MCF2L2: variants seen among roughly 807,000 people sequenced by gnomAD.
The protein encoded by MCF2L2 is MCF.2 cell line derived transforming sequence-like 2, also known as probable guanine nucleotide exchange factor MCF2L2.
A neutral mutation model predicts 150.2 loss-of-function variants in MCF2L2; 102 were observed. The observed-to-expected ratio is 0.68, with a 90% CI of 0.58 to 0.80. MCF2L2 has a LOEUF of 0.80. Ranked by LOEUF, MCF2L2 falls within the 30% of genes least tolerant of loss-of-function variation. The pLI, the probability that MCF2L2 is intolerant of heterozygous loss-of-function variation, is 0.00. For missense variants in MCF2L2, 1,256 were observed against 1,372.8 expected (o/e 0.91, Z 1.34); for synonymous variants, 465 against 491.3 (o/e 0.95, Z 0.71).
intron 6 of MCF2L2, among the ~76,000 whole-genome samples, chr3:183,322,552 AAC>A (rs1729856020): frequency 6.6e-6 from 1 of 152,236 alleles, no homozygotes; most frequent in African/African-American, 2.4e-5. Context: ...GTCCCATTTT[AAC>A]AGATGAAGAA....
intron 3 of MCF2L2, among the ~76,000 whole-genome samples, chr3:183,348,178 A>T (rs1431091220): frequency 4.6e-5 from 7 of 152,054 alleles, no homozygotes; most frequent in South Asian, 2.1e-4. Context: ...TAGACTGGAT[A>T]AAAAAAATGT....
At chr3:183,240,681 G>C (rs968952755) in intron 15 of MCF2L2, among the ~76,000 whole-genome samples, 13 of 152,208 alleles carry the variant, frequency 8.5e-5, no homozygotes, top group African/African-American at 3.1e-4. Flanking sequence ...AGAATGGGGA[G>C]AGGTGGGTGG....
intron 6 of MCF2L2, 119 bp from the exon 7 acceptor site, chr3:183,318,336 A>G (rs1446053835): frequency 4.2e-6 from 5 of 1,180,346 alleles, no homozygotes; most frequent in Admixed American, 3.8e-5. Context: ...CACCTTGGAA[A>G]TGGTATAGAG....
intron 15 of MCF2L2, among the ~76,000 whole-genome samples, chr3:183,240,090 A>G (rs1723941170): frequency 6.6e-6 from 1 of 152,176 alleles, no homozygotes; most frequent in Non-Finnish European, 1.5e-5. Context: ...CTGGGTGACT[A>G]CTGACTCTCC....
At chr3:183,187,784 G>A (rs563196645) in intron 27 of MCF2L2, among the ~76,000 whole-genome samples, 1 of 152,252 alleles carries the variant, frequency 6.6e-6, no homozygotes, top group South Asian at 2.1e-4. Flanking sequence ...TTTACTGTAA[G>A]CTGCCAGTAA....
At chr3:183,332,654 GA>G (rs1443216318) in intron 5 of MCF2L2, among the ~76,000 whole-genome samples, 8 of 152,160 alleles carry the variant, frequency 5.3e-5, no homozygotes, top group Non-Finnish European at 1.0e-4. Flanking sequence ...GTGGCAAGAA[GA>G]ATTGATGAGT....
chr3:183,190,362 A>G (rs1485483183), intron 27 of MCF2L2, among the ~76,000 whole-genome samples: 1 of 152,248 alleles, frequency 6.6e-6, no homozygotes, highest in Non-Finnish European at 1.5e-5. Flanking sequence ...AGCCAACACC[A>G]GAATCCCATC....
chr3:183,254,117 G>T (rs1053243567), intron 15 of MCF2L2: 2 of 151,746 alleles, frequency 1.3e-5, no homozygotes, highest in African/African-American at 4.8e-5. Context: ...CGCGGTCTCC[G>T]GCGCGGGAGG....
intron 10 of MCF2L2, 75 bp from the exon 11 acceptor site, chr3:183,300,271 G>T: frequency 1.5e-6 from 2 of 1,335,994 alleles, no homozygotes; most frequent in Non-Finnish European, 1.0e-6. Flanking sequence ...GGTACTGTGT[G>T]CTCCAAGCCT....
chr3:183,282,704 T>C (rs1467553958), intron 14 of MCF2L2, among the ~76,000 whole-genome samples: 1 of 152,246 alleles, frequency 6.6e-6, no homozygotes, highest in Non-Finnish European at 1.5e-5. Context: ...ATAAATTTCA[T>C]TGTAACAATT....
chr3:183,272,984 G>T, intron 15 of MCF2L2: 1 of 1,473,572 alleles, frequency 6.8e-7, no homozygotes, highest in South Asian at 1.4e-5. Context: ...AAGGAAATAT[G>T]AAGGCACTTC....
intron 3 of MCF2L2, among the ~76,000 whole-genome samples, chr3:183,352,514 C>T (rs753054906): frequency 7.2e-5 from 11 of 152,084 alleles, no homozygotes; most frequent in Non-Finnish European, 1.2e-4. Flanking sequence ...TAGAGAGAGA[C>T]TTTGTCTCAA....
At chr3:183,247,147 G>A (rs1175013915) in intron 15 of MCF2L2, among the ~76,000 whole-genome samples, 2 of 152,126 alleles carry the variant, frequency 1.3e-5, no homozygotes, top group Non-Finnish European at 2.9e-5. Context: ...AGCAAGTCAG[G>A]GCTCCGAGCA....
intron 21 of MCF2L2, among the ~76,000 whole-genome samples, chr3:183,216,934 A>T (rs1285340654): frequency 6.6e-6 from 1 of 150,920 alleles, no homozygotes; most frequent in African/African-American, 2.4e-5. Context: ...GCATGGAAAA[A>T]CCTAGCTCCT....
intron 14 of MCF2L2, among the ~76,000 whole-genome samples, chr3:183,284,955 T>C (rs146574141): frequency 8.3e-4 from 126 of 152,330 alleles, no homozygotes; most frequent in African/African-American, 2.0e-3. Context: ...AAGGCAAGCA[T>C]TGAAGTGTGT....
In MCF2L2 at chr3:183,353,167, A is replaced by C. The variant is rs997773836; in HGVS notation, c.276-11537T>G. On this transcript the variant is annotated intron_variant, in intron 3 of 29. Coordinates refer to ENST00000328913, the MANE Select transcript of MCF2L2 (RefSeq NM_015078.4). ...ATTTAAAAAATTTAAAAATTAAAAA[A>C]AACCCAAAGCCTCTTAAGTGATTCA... Among the ~76,000 whole-genome samples, 85 of 152,368 alleles carry C rather than the reference A, an allele frequency of 5.6e-4. 1 individual carries two copies. Among genetic ancestry groups the C allele is most frequent in the African/African-American group, 1.8e-3 (75 of 41,594 alleles).
chr3:183,238,666 T>C (rs951220894), intron 15 of MCF2L2, among the ~76,000 whole-genome samples: 7 of 151,166 alleles, frequency 4.6e-5, no homozygotes, highest in African/African-American at 1.5e-4. Flanking sequence ...GCCAAAAGAT[T>C]GGACACCCCT....
intron 5 of MCF2L2, among the ~76,000 whole-genome samples, chr3:183,331,603 C>G (rs75719346): frequency 0.047 from 7,148 of 152,234 alleles, 193 homozygotes; most frequent in East Asian, 0.12. Context: ...TTTAAGCAAC[C>G]AATTTCCACG....
In MCF2L2 at chr3:183,297,179, A is replaced by C; in HGVS notation, c.1306-12T>G. 1 of 1,612,564 alleles carries C rather than the reference A, an allele frequency of 6.2e-7. No homozygotes were observed. The highest frequency in any genetic ancestry group is 8.5e-7 in the Non-Finnish European group (1 of 1,179,160). ...CACCATTGGCTGACCTTTTGGAAAG[A>C]AACAGTGCCCTGTGCACTTCGCCTG... On this transcript the variant is annotated splice_polypyrimidine_tract_variant and intron_variant, in intron 11 of 29. Coordinates refer to ENST00000328913, the MANE Select transcript of MCF2L2 (RefSeq NM_015078.4).
Sources: gnomAD v4.1 joint callset for allele counts (sites outside exome capture counted in the v4.1 genomes callset) on GRCh38, gnomAD v4.1.1 for gene constraint, MANE v1.5 for transcripts, NCBI Gene and HGNC (gene_info 2026-07-23, HGNC 2026-07-21) for gene names.